Variants in HMG20A observed in about 807,000 individuals in gnomAD.
The protein encoded by HMG20A is high mobility group protein 20A.
Under a neutral mutation model 43.9 loss-of-function variants are expected in HMG20A, and 17 were observed. That is an observed-to-expected ratio of 0.39 (90% CI 0.27 to 0.58). HMG20A has a LOEUF of 0.58. Among genes scored for constraint, HMG20A ranks in the 20% least tolerant of loss-of-function variants. The pLI is 0.59. For missense variants in HMG20A, 341 were observed against 438.2 expected (o/e 0.78, Z 1.98); for synonymous variants, 132 against 147.5 (o/e 0.89, Z 0.76).
At chr15:77,435,928 G>A (rs754260736) in intron 1 of HMG20A, among the ~76,000 whole-genome samples, 1 of 151,326 alleles carries the variant, frequency 6.6e-6, no homozygotes, top group Non-Finnish European at 1.5e-5. Context: ...TAACTGTTGA[G>A]TTCCTCAGAA....
At chr15:77,514,039 T>G in the HMG20A span, among the ~76,000 whole-genome samples, 1 of 152,174 alleles carries the variant, frequency 6.6e-6, no homozygotes, top group East Asian at 1.9e-4. Context: ...TCCTACTGTC[T>G]ACATAATTGC....
intron 1 of HMG20A, among the ~76,000 whole-genome samples, chr15:77,423,023 G>C (rs1485571453): frequency 6.6e-6 from 1 of 152,152 alleles, no homozygotes; most frequent in Admixed American, 6.5e-5. Flanking sequence ...GAAAAAAATA[G>C]AGAATATCAT....
chr15:77,505,132 G>C, the HMG20A span, among the ~76,000 whole-genome samples: 3 of 152,172 alleles, frequency 2.0e-5, no homozygotes, highest in African/African-American at 7.2e-5. Flanking sequence ...ATGTGAATAG[G>C]AGGAAGAAGT....
intron 3 of HMG20A, among the ~76,000 whole-genome samples, chr15:77,466,329 C>T (rs758746961): frequency 5.3e-5 from 8 of 151,828 alleles, no homozygotes; most frequent in South Asian, 2.1e-4. Context: ...TGCGGTGAGC[C>T]GAGATAGCGC....
intron 1 of HMG20A, among the ~76,000 whole-genome samples, chr15:77,428,354 T>C (rs1205519429): frequency 5.9e-5 from 9 of 152,204 alleles, no homozygotes; most frequent in African/African-American, 1.9e-4. Flanking sequence ...AGCAGGCAAA[T>C]GGCTTGGCCT....
Position 77,422,182 on chromosome 15 carries a change from A to G in HMG20A, c.-5+1178A>G, listed in dbSNP as rs141608802. 9.5e-3 allele frequency among the ~76,000 whole-genome samples: 1,442 copies of G among 152,286 alleles called. 14 individuals are homozygous for G. Among genetic ancestry groups the G allele is most frequent in the Non-Finnish European group, 0.015 (1,016 of 68,020 alleles). ...TTTGAAGCTTACTTTGTGAAATCTGAATGTTAGTAATTTTAGTATATATAT... is the reference window on the plus strand; with the variant it reads ...TTTGAAGCTTACTTTGTGAAATCTGGATGTTAGTAATTTTAGTATATATAT... On this transcript the variant is annotated intron_variant, in intron 1 of 9. Coordinates refer to ENST00000336216, the MANE Select transcript of HMG20A (RefSeq NM_001304504.2).
At chr15:77,479,064 A>T in intron 8 of HMG20A, 115 bp from the exon 9 acceptor site, 1 of 975,270 alleles carries the variant, frequency 1.0e-6, no homozygotes, top group Middle Eastern at 2.1e-4. Context: ...CTCCTCTAAA[A>T]TTAAAAGCAT....
chr15:77,494,627 T>G, the HMG20A span, among the ~76,000 whole-genome samples: 7 of 152,344 alleles, frequency 4.6e-5, no homozygotes, highest in South Asian at 1.2e-3. Context: ...CTAAACATAG[T>G]GGCTTATAAT....
intron 1 of HMG20A, among the ~76,000 whole-genome samples, chr15:77,447,256 G>A (rs767884838): frequency 1.3e-5 from 2 of 152,192 alleles, no homozygotes; most frequent in Non-Finnish European, 2.9e-5. Flanking sequence ...AAAAGCCAAC[G>A]AGGTGGACTG....
At chr15:77,454,327 A>G (rs2072635042) in intron 1 of HMG20A, among the ~76,000 whole-genome samples, 1 of 152,156 alleles carries the variant, frequency 6.6e-6, no homozygotes, top group Admixed American at 6.5e-5. Context: ...CCTTGTAAAT[A>G]TATTAAAAAC....
chr15:77,507,231 A>G, the HMG20A span, among the ~76,000 whole-genome samples: 2 of 152,028 alleles, frequency 1.3e-5, no homozygotes, highest in Admixed American at 1.3e-4. Flanking sequence ...CCTTATAACA[A>G]ATCTCTCCGT....
At chr15:77,475,390 G>C (rs969386790) in intron 6 of HMG20A, among the ~76,000 whole-genome samples, 2 of 152,208 alleles carry the variant, frequency 1.3e-5, no homozygotes, top group Non-Finnish European at 2.9e-5. Flanking sequence ...GCACCTATGT[G>C]GTGCTGTCCT....
At chr15:77,433,470 G>A (rs1358522652) in intron 1 of HMG20A, among the ~76,000 whole-genome samples, 5 of 151,852 alleles carry the variant, frequency 3.3e-5, no homozygotes, top group South Asian at 2.1e-4. Flanking sequence ...AATACAAGTC[G>A]TTTTATGAGA....
the HMG20A span, among the ~76,000 whole-genome samples, chr15:77,507,416 G>A: frequency 6.6e-6 from 1 of 152,218 alleles, no homozygotes; most frequent in East Asian, 1.9e-4. Flanking sequence ...TCCCTCCGCT[G>A]TGCCTGGTCC....
chr15:77,448,928 G>A (rs1190386820), intron 1 of HMG20A, among the ~76,000 whole-genome samples: 3 of 152,126 alleles, frequency 2.0e-5, no homozygotes, highest in African/African-American at 7.2e-5. Context: ...GCAGGCACCT[G>A]TAATCTCAGC....
intron 1 of HMG20A, among the ~76,000 whole-genome samples, chr15:77,438,883 C>G (rs926702687): frequency 1.3e-5 from 2 of 152,192 alleles, no homozygotes; most frequent in African/African-American, 2.4e-5. Context: ...CTCCGCCTCC[C>G]TGGTTCACAC....
chr15:77,519,686 A>G, the HMG20A span, among the ~76,000 whole-genome samples: 6,311 of 152,288 alleles, frequency 0.041, 168 homozygotes, highest in Middle Eastern at 0.078. Context: ...CCCAGCTTTC[A>G]GAACTGCAAG....
chr15:77,498,776 C>T, the HMG20A span, among the ~76,000 whole-genome samples: 3 of 152,170 alleles, frequency 2.0e-5, no homozygotes, highest in South Asian at 4.1e-4. Context: ...ACAAAGACAC[C>T]GTCCTATTAT....
the HMG20A span, among the ~76,000 whole-genome samples, chr15:77,497,898 C>T: frequency 1.3e-5 from 2 of 151,486 alleles, no homozygotes; most frequent in Non-Finnish European, 2.9e-5. Context: ...AAACCCAACC[C>T]GCCAAGCAAC....
Sources: gnomAD v4.1 joint callset for allele counts (sites outside exome capture counted in the v4.1 genomes callset) on GRCh38, gnomAD v4.1.1 for gene constraint, MANE v1.5 for transcripts, NCBI Gene and HGNC (gene_info 2026-07-23, HGNC 2026-07-21) for gene names.